GDF6: variants seen among roughly 807,000 people sequenced by gnomAD.
GDF6 encodes the protein growth/differentiation factor 6.
In GDF6, 3 loss-of-function variants were observed where a neutral mutation model predicts 32.4. The observed-to-expected ratio is 0.09, with a 90% CI of 0.04 to 0.24. The LOEUF is 0.24. Among genes scored for constraint, GDF6 ranks in the 10% least tolerant of loss-of-function variants. The pLI is 1.00. For missense variants in GDF6, 589 were observed against 637.9 expected (o/e 0.92, Z 0.83); for synonymous variants, 296 against 295.3 (o/e 1.00, Z -0.03).
At position 96,144,287 on chromosome 8, in the gene GDF6, A is replaced by AGAGAGAGAGAGAGAGAGG. The variant is rs1563507993; in HGVS notation, c.*275_*276insCCTCTCTCTCTCTCTCTC. 3 of 496,986 alleles carry AGAGAGAGAGAGAGAGAGG rather than the reference A, an allele frequency of 6.0e-6. No individual in the cohort carries two copies. The Admixed American group carries it at 9.9e-5, about 16-fold the overall frequency. The allele number at this position is 496,986 out of a possible 1,614,324, so 30.8% of individuals were successfully genotyped here. ...GAGAGAGAGAGAGAGAGAGAGAGAG[A>AGAGAGAGAGAGAGAGAGG]GAGAAAACAGAACAAAAGAAATCCT... is the stretch of plus-strand genomic sequence containing the variant. On this transcript the variant is annotated 3_prime_UTR_variant, in exon 2 of 2. Transcript: ENST00000287020. The surrounding 1 kb of genome is among the most constrained non-coding windows in gnomAD (Gnocchi z 5.1).
At chr8:96,154,313 C>A (rs1252200891) in intron 1 of GDF6, among the ~76,000 whole-genome samples, 1 of 152,112 alleles carries the variant, frequency 6.6e-6, no homozygotes. Flanking sequence ...GCGCCGCCCG[C>A]CGCCCGCCCC....
At chr8:96,153,750 G>T (rs1332028860) in intron 1 of GDF6, among the ~76,000 whole-genome samples, 1 of 152,114 alleles carries the variant, frequency 6.6e-6, no homozygotes. Flanking sequence ...TGGGGGCGAG[G>T]GTTCAAACTG....
chr8:96,155,274 CTGT>C (rs1812642995), intron 1 of GDF6, among the ~76,000 whole-genome samples: 1 of 152,258 alleles, frequency 6.6e-6, no homozygotes. Context: ...TGCGCTCTCG[CTGT>C]AGAGCATACT....
chr8:96,146,701 C>CAGAGAGAG (rs771624365), intron 1 of GDF6, among the ~76,000 whole-genome samples: 12 of 129,782 alleles, frequency 9.2e-5, no homozygotes, highest in African/African-American at 4.1e-4. Flanking sequence ...CACACACACA[C>CAGAGAGAG]ACACACAGAG....
rs1291835515 is a variant in GDF6, at chr8:96,144,773, T to A, written c.1158A>T (p.Val386=). Residue 386 remains valine (V), a synonymous_variant, in exon 2 of 2, where the codon GTA becomes GTT. Transcript: ENST00000287020. The surrounding 1 kb of genome is among the most constrained non-coding windows in gnomAD (Gnocchi z 5.1). ...LEYEAYHCEG[V]CDFPLRSHLE... ...GGTGCGAGCGCAGCGGGAAGTCGCA[T>A]ACACCCTCGCAGTGATAGGCCTCGT... 3.7e-6 allele frequency: 6 copies of A among 1,614,090 alleles called. No homozygotes were observed. The highest frequency in any genetic ancestry group is 5.1e-6 in the Non-Finnish European group (6 of 1,180,002).
At chr8:96,154,138 C>T (rs1812617744) in intron 1 of GDF6, among the ~76,000 whole-genome samples, 1 of 152,150 alleles carries the variant, frequency 6.6e-6, no homozygotes. Flanking sequence ...CCCTGCGCTG[C>T]CCCTGTGCCC....
Position 96,152,581 on chromosome 8 carries a change from G to A in GDF6, c.407-7057C>T, listed in dbSNP as rs1812586993. 2.0e-5 allele frequency among the ~76,000 whole-genome samples: 3 copies of A among 152,354 alleles called. No homozygotes were observed. The South Asian group carries it at 6.2e-4, about 32-fold the overall frequency. On this transcript the variant is annotated intron_variant, in intron 1 of 1. Transcript: ENST00000287020. ...TATTGATGGGGAGGGCTGCAATGGA[G>A]GGCCCCTTGGGCTGCAGCATGAGGC...
rs1812387735 is a variant in GDF6, at chr8:96,142,407, T to C, written c.*2156A>G. The C allele has an allele frequency of 6.6e-6, 1 of 152,198 alleles. No homozygotes were observed. The highest frequency in any genetic ancestry group is 2.4e-5 in the African/African-American group (1 of 41,450). 9.4% of individuals were successfully genotyped at this position (152,198 alleles called of 1,614,324 possible). A position where few individuals can be genotyped will look rare whatever the true frequency, so the allele number is the denominator to read the frequency against. On this transcript the variant is annotated 3_prime_UTR_variant, in exon 2 of 2. Transcript: ENST00000287020. ...CAGGAAAGGTGTACTGTAAAAAATG[T>C]TTTGATTATTCATTGACCTCTGGTA...
chr8:96,145,603 A>C lies in GDF6; in HGVS notation c.407-79T>G. Reference sequence around the variant, plus strand: ...GGTGCTCTTCGGCCGCCCCGGGAGGAAAAGGGCGGGGAGTGGGGGCAGGTC... The same window carrying C: ...GGTGCTCTTCGGCCGCCCCGGGAGGCAAAGGGCGGGGAGTGGGGGCAGGTC... On this transcript the variant is annotated intron_variant, in intron 1 of 1. Transcript: ENST00000287020. The surrounding 1 kb of genome is among the most constrained non-coding windows in gnomAD (Gnocchi z 5.6). 1.3e-6 allele frequency: 2 copies of C among 1,571,040 alleles called. No homozygotes were observed. The highest frequency in any genetic ancestry group is 1.7e-6 in the Non-Finnish European group (2 of 1,159,744).
Position 96,144,297 on chromosome 8 carries a change from G to GAA in GDF6, c.*264_*265dup. On this transcript the variant is annotated 3_prime_UTR_variant, in exon 2 of 2. Coordinates refer to ENST00000287020, the MANE Select transcript of GDF6 (RefSeq NM_001001557.4). This position sits in a 1 kb window ranked among gnomAD's most constrained non-coding sequence, Gnocchi z 5.1. Reference sequence around the variant, plus strand: ...GAGAGAGAGAGAGAGAGAGAAAACAGAACAAAAGAAATCCTCCTTGGCTTG... The same window carrying GAA: ...GAGAGAGAGAGAGAGAGAGAAAACAGAAAACAAAAGAAATCCTCCTTGGCTTG... 3.2e-6 allele frequency: 1 copy of GAA among 307,920 alleles called. No individual in the cohort carries two copies. The highest frequency in any genetic ancestry group is 5.9e-6 in the Non-Finnish European group (1 of 170,260). The allele number at this position is 307,920 out of a possible 1,614,324, so 19.1% of individuals were successfully genotyped here.
chr8:96,144,883 A>G lies in GDF6; in HGVS notation c.1048T>C (p.Ser350Pro). Residue 350 changes from serine (S) to proline (P), a missense_variant, in exon 2 of 2, where the codon TCC becomes CCC. Ser to Pro is a moderately conservative substitution (Grantham distance 74). This residue lies in a region of GDF6 where 153 missense variants were observed against 226.7 expected (regional missense o/e 0.67). Coordinates refer to ENST00000287020, the MANE Select transcript of GDF6 (RefSeq NM_001001557.4). This position sits in a 1 kb window ranked among gnomAD's most constrained non-coding sequence, Gnocchi z 5.1. Reference protein sequence around the residue: ...SRHGKRHGKKSRLRCSKKPLH... With the variant: ...SRHGKRHGKKPRLRCSKKPLH... ...GGCTTCTTGCTGCAGCGTAGCCTGG[A>G]CTTCTTGCCGTGCCGCTTGCCATGG... is the stretch of plus-strand genomic sequence containing the variant. 6.2e-7 allele frequency: 1 copy of G among 1,613,504 alleles called. No individual in the cohort carries two copies. Among genetic ancestry groups the G allele is most frequent in the South Asian group, 1.1e-5 (1 of 90,976 alleles).
Position 96,160,484 on chromosome 8 carries a change from C to T in GDF6, c.209G>A (p.Arg70Gln), listed in dbSNP as rs563637313. ...AGREGQEPQP[R>Q]PQDEPRAQQP... ...CTGAGCCCGGGGTTCGTCCTGAGGC[C>T]GCGGCTGTGGTTCCTGGCCCTCCCG... Residue 70 changes from arginine (R) to glutamine (Q), a missense_variant, in exon 1 of 2, where the codon CGG (arginine) becomes CAG (glutamine). By Grantham distance (43) the Arg-to-Gln change is conservative. Around this residue, in one of 2 missense-constraint regions of GDF6, gnomAD observed 436 missense variants for 411.2 expected, o/e 1.06. Transcript: ENST00000287020. 4 of 1,612,732 alleles carry T rather than the reference C, an allele frequency of 2.5e-6. No individual in the cohort carries two copies. In the Admixed American group the frequency reaches 6.7e-5, roughly 27 times the overall value.
At chr8:96,155,587 C>T (rs1318665851) in intron 1 of GDF6, among the ~76,000 whole-genome samples, 3 of 152,202 alleles carry the variant, frequency 2.0e-5, no homozygotes, top group Non-Finnish European at 4.4e-5. Context: ...CTCATGCAGG[C>T]GCACCCTCAT....
Position 96,160,805 on chromosome 8 carries a change from G to A in GDF6, c.-113C>T. The stretch of plus-strand genomic sequence containing the variant: ...CCGGCTCCTCGGGCGGACTCGGAGT[G>A]CGAGGAGCCGGGTCCCAGCCACACA... On this transcript the variant is annotated 5_prime_UTR_variant, in exon 1 of 2. Transcript: ENST00000287020. 1.0e-6 allele frequency: 1 copy of A among 968,026 alleles called. No individual in the cohort carries two copies. Among genetic ancestry groups the A allele is most frequent in the South Asian group, 1.7e-5 (1 of 59,510 alleles). The allele number at this position is 968,026 out of a possible 1,614,324, so 60.0% of individuals were successfully genotyped here.
At chr8:96,149,903 T>C (rs915938164) in intron 1 of GDF6, among the ~76,000 whole-genome samples, 1 of 152,168 alleles carries the variant, frequency 6.6e-6, no homozygotes. Flanking sequence ...GAGGGACACG[T>C]AGCTGCAGGA....
At position 96,144,373 on chromosome 8, in the gene GDF6, C is replaced by T; in HGVS notation, c.*190G>A. On this transcript the variant is annotated 3_prime_UTR_variant, in exon 2 of 2. Transcript: ENST00000287020. The surrounding 1 kb of genome is among the most constrained non-coding windows in gnomAD (Gnocchi z 5.1). ...GTGAAAATCCATATTTCCCTCTGGG[C>T]TGGCAGGTAGAAGTTACTGGGAAGG... is the stretch of plus-strand genomic sequence containing the variant. 1.6e-6 allele frequency: 1 copy of T among 632,312 alleles called. No individual in the cohort carries two copies. Among genetic ancestry groups the T allele is most frequent in the Non-Finnish European group, 2.7e-6 (1 of 368,702 alleles). The allele number at this position is 632,312 out of a possible 1,614,324, so 39.2% of individuals were successfully genotyped here. A position where few individuals can be genotyped will look rare whatever the true frequency, so the allele number is the denominator to read the frequency against.
At position 96,144,505 on chromosome 8, in the gene GDF6, C is replaced by G; in HGVS notation, c.*58G>C. The G allele has an allele frequency of 6.3e-7, 1 of 1,593,000 alleles. No homozygotes were observed. The highest frequency in any genetic ancestry group is 8.5e-7 in the Non-Finnish European group (1 of 1,170,510). ...CCGCCTCTCTGCAGCCAGGCCTCCC[C>G]TGCAAGGCGGACCTTGGCCCACCTT... On this transcript the variant is annotated 3_prime_UTR_variant, in exon 2 of 2. Transcript: ENST00000287020. This position sits in a 1 kb window ranked among gnomAD's most constrained non-coding sequence, Gnocchi z 5.1.
intron 1 of GDF6, among the ~76,000 whole-genome samples, chr8:96,153,355 C>A (rs1244405562): frequency 2.0e-5 from 3 of 152,252 alleles, no homozygotes; most frequent in Admixed American, 1.3e-4. Flanking sequence ...CCATTCTGGG[C>A]TCCCGACCAC....
At chr8:96,146,725 GAT>G (rs1181084775) in intron 1 of GDF6, among the ~76,000 whole-genome samples, 2 of 140,460 alleles carry the variant, frequency 1.4e-5, no homozygotes, top group African/African-American at 5.5e-5. Flanking sequence ...GAGAGAGAGA[GAT>G]AGAGAGACTT....
Sources: gnomAD v4.1 joint callset for allele counts (sites outside exome capture counted in the v4.1 genomes callset) on GRCh38, gnomAD v4.1.1 for gene constraint, gnomAD v4.1.1 regional missense constraint, Gnocchi (gnomAD v3.1) non-coding constraint, MANE v1.5 for transcripts, NCBI Gene and HGNC (gene_info 2026-07-23, HGNC 2026-07-21) for gene names.